The following UNC45A variants were observed in gnomAD, a reference collection of about 807,000 sequenced individuals.
UNC45A encodes unc-45 myosin chaperone A.
In UNC45A, 78 loss-of-function variants were observed where a neutral mutation model predicts 103.2. That is an observed-to-expected ratio of 0.76 (90% CI 0.63 to 0.91). UNC45A has a LOEUF of 0.91. Ranked by LOEUF, UNC45A falls within the 40% of genes least tolerant of loss-of-function variation. The pLI, the probability that UNC45A is intolerant of heterozygous loss-of-function variation, is 0.00. For missense variants in UNC45A, 1,193 were observed against 1,224.8 expected, an observed-to-expected ratio of 0.97 and a Z score of 0.39; for synonymous variants, 495 against 504.6, an observed-to-expected ratio of 0.98 and a Z score of 0.25.
intron 17 of UNC45A, 108 bp from the exon 18 acceptor site, chr15:90,952,821 C>A: frequency 1.0e-6 from 1 of 993,610 alleles, no homozygotes; most frequent in Non-Finnish European, 1.5e-6. Context: ...GACCCAGTCA[C>A]CTCCCACCAG....
chr15:90,935,142 C>A (rs1596205747), upstream of UNC45A: 1 of 630,926 alleles, frequency 1.6e-6, no homozygotes, highest in Non-Finnish European at 2.8e-6. Flanking sequence ...AGCTTGCCTG[C>A]ACCTGCGATC....
chr15:90,951,296 C>T (rs1320953643), intron 17 of UNC45A, among the ~76,000 whole-genome samples: 2 of 152,232 alleles, frequency 1.3e-5, no homozygotes, highest in Non-Finnish European at 2.9e-5. Flanking sequence ...TGAGCCACTG[C>T]AGCTGGCCAG....
intron 5 of UNC45A, 63 bp from the exon 6 acceptor site, chr15:90,940,243 C>CA: frequency 6.5e-7 from 1 of 1,538,250 alleles, no homozygotes; most frequent in South Asian, 1.3e-5. Flanking sequence ...GGCCCCTGCT[C>CA]ACCAGTGCTG....
chr15:90,947,226 T>A (rs2036621224), intron 10 of UNC45A: 1 of 353,932 alleles, frequency 2.8e-6, no homozygotes, highest in Admixed American at 4.0e-5. Flanking sequence ...GGCTTTCTTG[T>A]GGTGAGAGAC....
At chr15:90,939,846 G>GT (rs769400407) in intron 5 of UNC45A, 23 bp downstream of exon 5, 32 of 1,609,384 alleles carry the variant, frequency 2.0e-5, no homozygotes, top group Non-Finnish European at 2.5e-5. Context: ...GGCTGAGTCA[G>GT]TGAGTGAGCT....
chr15:90,936,295 G>T lies in UNC45A; in HGVS notation c.261G>T (p.Lys87Asn). ...CCTGTTTGTGCTCAGCCATTGAAAA[G>T]GATGGTGGGGATGTCAAAGCACTCT... ...AETEASKAIE[K>N]DGGDVKALYR... The change falls in exon 4 of 20, where the codon AAG becomes AAT. Residue 87 changes from lysine (K) to asparagine (N), a missense_variant. Lys to Asn is a moderately conservative substitution (Grantham distance 94). Coordinates refer to ENST00000418476, the MANE Select transcript of UNC45A (RefSeq NM_018671.5). The T allele has an allele frequency of 1.2e-6, 2 of 1,613,316 alleles. No homozygotes were observed. The highest frequency in any genetic ancestry group is 1.1e-5 in the South Asian group (1 of 91,002).
intron 19 of UNC45A, 29 bp from the exon 20 acceptor site, chr15:90,953,430 G>T (rs1370272696): frequency 6.2e-7 from 1 of 1,610,532 alleles, no homozygotes; most frequent in Admixed American, 1.7e-5. Context: ...TGTTGCCCAG[G>T]GGTCATATCT....
chr15:90,936,867 C>T lies in UNC45A; in HGVS notation c.426+407C>T, dbSNP rs528059169. Among the ~76,000 whole-genome samples, 6 of 152,302 alleles carry T rather than the reference C, an allele frequency of 3.9e-5. No individual in the cohort carries two copies. The South Asian group carries it at 6.2e-4, about 16-fold the overall frequency. ...AACCTTGTCCACGTGCACAAGTAGA[C>T]ATGTGTATGTTTATTTCAGCCTTTT... On this transcript the variant is annotated intron_variant, in intron 4 of 19. Coordinates refer to ENST00000418476, the MANE Select transcript of UNC45A (RefSeq NM_018671.5).
At chr15:90,945,999 C>G (rs1333427283) in intron 9 of UNC45A, among the ~76,000 whole-genome samples, 3 of 151,334 alleles carry the variant, frequency 2.0e-5, no homozygotes, top group African/African-American at 7.3e-5. Flanking sequence ...CCTGTAATCC[C>G]AGCACTTTGG....
At position 90,936,290 on chromosome 15, in the gene UNC45A, G is replaced by C; in HGVS notation, c.256G>C (p.Glu86Gln). 6.2e-7 allele frequency: 1 copy of C among 1,612,292 alleles called. No homozygotes were observed. The highest frequency in any genetic ancestry group is 8.5e-7 in the Non-Finnish European group (1 of 1,179,288). ...GCGCTCCTGTTTGTGCTCAGCCATTGAAAAGGATGGTGGGGATGTCAAAGC... is the reference window on the plus strand; with the variant it reads ...GCGCTCCTGTTTGTGCTCAGCCATTCAAAAGGATGGTGGGGATGTCAAAGC... The part of the protein sequence containing the change: ...KAETEASKAI[E>Q]KDGGDVKALY... Residue 86 changes from glutamate to glutamine, a missense_variant, in exon 4 of 20, where the codon GAA becomes CAA. Physicochemically the swap from Glu to Gln is conservative, Grantham distance 29 (BLOSUM62 2). Transcript: ENST00000418476.
chr15:90,936,611 C>A, intron 4 of UNC45A, 151 bp downstream of exon 4: 1 of 926,084 alleles, frequency 1.1e-6, no homozygotes, highest in Non-Finnish European at 1.6e-6. Flanking sequence ...CAGCACATTA[C>A]TGTTGATTTG....
chr15:90,947,565 A>G (rs759857966), intron 10 of UNC45A: 11 of 566,846 alleles, frequency 1.9e-5, no homozygotes, highest in African/African-American at 3.8e-5. Context: ...ACGACTGTCC[A>G]GCGGCCAGCG....
upstream of UNC45A, chr15:90,932,449 G>A (rs1388305826): frequency 6.6e-6 from 9 of 1,360,472 alleles, no homozygotes; most frequent in East Asian, 2.9e-5. Context: ...GTTGATGTAG[G>A]GGGTCCCCTC....
rs1596238506 is a variant in UNC45A, at chr15:90,949,366, T to C, written c.1929T>C (p.Gly643=). 4 of 1,613,132 alleles carry C rather than the reference T, an allele frequency of 2.5e-6. No individual in the cohort carries two copies. The East Asian group carries it at 6.7e-5, about 27-fold the overall frequency. ...GGGTGAAGAAGCTGCTGGCAGCGGGTGTGGTGTCGGCCATGGTGTGCATGG... is the reference window on the plus strand; with the variant it reads ...GGGTGAAGAAGCTGCTGGCAGCGGGCGTGGTGTCGGCCATGGTGTGCATGG... ...RARVKKLLAA[G]VVSAMVCMVK... The change falls in exon 14 of 20, where the codon GGT becomes GGC. Residue 643 remains glycine, a synonymous_variant. Coordinates refer to ENST00000418476, the MANE Select transcript of UNC45A (RefSeq NM_018671.5).
chr15:90,931,312 A>G, upstream of UNC45A: 2 of 1,551,218 alleles, frequency 1.3e-6, no homozygotes, highest in Non-Finnish European at 1.7e-6. Context: ...CAGATGCTTT[A>G]GAGCCTCTTC....
intron 10 of UNC45A, 28 bp downstream of exon 10, chr15:90,946,942 G>T: frequency 1.2e-6 from 1 of 817,440 alleles, no homozygotes; most frequent in Non-Finnish European, 2.0e-6. Context: ...GGGTGGGTGG[G>T]CAGGCAGCCA....
At chr15:90,935,432 C>T in intron 1 of UNC45A, 57 bp downstream of exon 1, 34 of 1,577,714 alleles carry the variant, frequency 2.2e-5, no homozygotes, top group Non-Finnish European at 2.9e-5. Context: ...CCATCCCTGG[C>T]CTCCTTCTCC....
Position 90,947,494 on chromosome 15 carries a change from T to C in UNC45A, c.1501-302T>C. 1.2e-5 allele frequency: 5 copies of C among 419,090 alleles called. No individual in the cohort carries two copies. In the South Asian group the frequency reaches 1.5e-4, roughly 13 times the overall value. 26.0% of individuals were successfully genotyped at this position (419,090 alleles called of 1,614,324 possible). ...CTCAACTCCACCTGCAGAGGGCTTC[T>C]TTGTGCGACATGGAAGGAAACAGAG... On this transcript the variant is annotated intron_variant, in intron 10 of 19. Coordinates refer to ENST00000418476, the MANE Select transcript of UNC45A (RefSeq NM_018671.5).
chr15:90,948,725 G>C lies in UNC45A; in HGVS notation c.1809G>C (p.Glu603Asp). Residue 603 changes from glutamate to aspartate, a missense_variant, in exon 13 of 20, where the codon GAG becomes GAC. Physicochemically the swap from Glu to Asp is conservative, Grantham distance 45. Coordinates refer to ENST00000418476, the MANE Select transcript of UNC45A (RefSeq NM_018671.5). ...LVNCTNSYDY[E>D]EPDPKMVELA... ...ACTGCACCAACAGCTATGACTACGA[G>C]GAGCCCGACCCCAAGATGGTGGAGC... 6.2e-7 allele frequency: 1 copy of C among 1,614,002 alleles called. No homozygotes were observed. Among genetic ancestry groups the C allele is most frequent in the Non-Finnish European group, 8.5e-7 (1 of 1,180,008 alleles).
Sources: gnomAD v4.1 joint callset for allele counts (sites outside exome capture counted in the v4.1 genomes callset) on GRCh38, gnomAD v4.1.1 for gene constraint, MANE v1.5 for transcripts, NCBI Gene and HGNC (gene_info 2026-07-23, HGNC 2026-07-21) for gene names.